The following NEIL3 variants were observed in gnomAD, a reference collection of about 807,000 sequenced individuals.
NEIL3 encodes the protein nei like DNA glycosylase 3.
A neutral mutation model predicts 57.5 loss-of-function variants in NEIL3; 48 were observed. That is an observed-to-expected ratio of 0.83 (90% CI 0.66 to 1.06). The LOEUF is 1.06. Among genes scored for constraint, NEIL3 ranks in the 50% least tolerant of loss-of-function variants. The probability of loss-of-function intolerance (pLI) is 0.00; values close to 1 mark genes in which losing one functional copy is unlikely to be tolerated. For missense variants in NEIL3, 717 were observed against 739.1 expected, an observed-to-expected ratio of 0.97 and a Z score of 0.35; for synonymous variants, 261 against 253.2, an observed-to-expected ratio of 1.03 and a Z score of -0.29.
intron 2 of NEIL3, among the ~76,000 whole-genome samples, chr4:177,327,547 A>G (rs900859750): frequency 6.6e-6 from 1 of 152,146 alleles, no homozygotes; most frequent in African/African-American, 2.4e-5. Flanking sequence ...TAAGCCTCGC[A>G]TGCATTAAGT....
chr4:177,343,254 A>C (rs1735136231), intron 6 of NEIL3: 1 of 152,208 alleles, frequency 6.6e-6, no homozygotes, highest in Admixed American at 6.5e-5. Flanking sequence ...ATCCAGGAAG[A>C]CATGTCTTAG....
chr4:177,353,764 GC>G, intron 8 of NEIL3, 36 bp downstream of exon 8: 3 of 1,462,316 alleles, frequency 2.1e-6, no homozygotes, highest in Non-Finnish European at 9.3e-7. Context: ...TAAGATAATT[GC>G]TTTTTTTTTT....
chr4:177,337,141 G>A (rs1179896237), intron 4 of NEIL3, among the ~76,000 whole-genome samples: 1 of 151,910 alleles, frequency 6.6e-6, no homozygotes, highest in Admixed American at 6.6e-5. Flanking sequence ...TGTAGAAAAG[G>A]GAATGGTGAT....
intron 4 of NEIL3, 108 bp from the exon 5 acceptor site, chr4:177,339,675 A>G: frequency 1.4e-6 from 1 of 734,136 alleles, no homozygotes; most frequent in African/African-American, 1.8e-5. Flanking sequence ...GGTCAGCTGT[A>G]TTCAAAATCT....
chr4:177,316,769 G>A (rs1734581503), intron 1 of NEIL3, among the ~76,000 whole-genome samples: 1 of 152,112 alleles, frequency 6.6e-6, no homozygotes, highest in South Asian at 2.1e-4. Context: ...TATAGACAGG[G>A]GAGAAATGCA....
chr4:177,351,771 G>A (rs1735358609), intron 7 of NEIL3, among the ~76,000 whole-genome samples: 1 of 152,122 alleles, frequency 6.6e-6, no homozygotes, highest in African/African-American at 2.4e-5. Context: ...ATAACAGTAT[G>A]TGCCTTTGTA....
chr4:177,322,736 C>G (rs1373921064), intron 2 of NEIL3, among the ~76,000 whole-genome samples, 156 bp downstream of exon 2: 2 of 152,112 alleles, frequency 1.3e-5, no homozygotes, highest in Non-Finnish European at 2.9e-5. Context: ...TCATGGAAAT[C>G]AATAAACAGC....
chr4:177,329,064 A>T (rs1157600022), intron 2 of NEIL3, among the ~76,000 whole-genome samples: 1 of 152,148 alleles, frequency 6.6e-6, no homozygotes, highest in Non-Finnish European at 1.5e-5. Flanking sequence ...ATCACAGTGT[A>T]AGATGTGTAT....
chr4:177,364,598 T>C (rs1236785607), downstream of NEIL3, among the ~76,000 whole-genome samples: 1 of 152,068 alleles, frequency 6.6e-6, no homozygotes, highest in Admixed American at 6.6e-5. Flanking sequence ...GAACCATATA[T>C]GCATGGGACA....
chr4:177,366,828 T>C (rs1410936978), downstream of NEIL3, among the ~76,000 whole-genome samples: 1 of 152,200 alleles, frequency 6.6e-6, no homozygotes, highest in African/African-American at 2.4e-5. Context: ...TCTTCCTTTT[T>C]TCCAGTCTAT....
At chr4:177,338,629 AAAT>A (rs1261300856) in intron 4 of NEIL3, among the ~76,000 whole-genome samples, 1 of 152,268 alleles carries the variant, frequency 6.6e-6, no homozygotes, top group African/African-American at 2.4e-5. Flanking sequence ...CACATGTGCC[AAAT>A]AATAATTCTG....
At chr4:177,340,980 A>G (rs1735079879) in intron 5 of NEIL3, among the ~76,000 whole-genome samples, 1 of 152,052 alleles carries the variant, frequency 6.6e-6, no homozygotes, top group African/African-American at 2.4e-5. Context: ...AAAAGGAAAA[A>G]AAAATCCTTT....
chr4:177,349,009 A>G (rs1735293235), intron 6 of NEIL3, among the ~76,000 whole-genome samples: 2 of 148,884 alleles, frequency 1.3e-5, no homozygotes, highest in African/African-American at 2.5e-5. Flanking sequence ...CTGGGACTAC[A>G]GGCACCCGTC....
rs1050777217 is a variant in NEIL3, at chr4:177,322,565, G to T, written c.263G>T (p.Gly88Val). The change falls in exon 2 of 10, where the codon GGA (glycine) becomes GTA (valine). Residue 88 changes from glycine (G) to valine (V), a missense_variant. By Grantham distance (109) the Gly-to-Val change is moderately radical. Coordinates refer to ENST00000264596, the MANE Select transcript of NEIL3 (RefSeq NM_018248.3). ...TLGKELFMYF[G>V]PKALRIHFGM... Reference sequence around the variant, plus strand: ...GGGAAGGAGCTCTTTATGTACTTTGGACCAAAAGCTTTACGGTAAGATAAG... The same window carrying T: ...GGGAAGGAGCTCTTTATGTACTTTGTACCAAAAGCTTTACGGTAAGATAAG... 1.9e-6 allele frequency: 3 copies of T among 1,613,670 alleles called. No individual in the cohort carries two copies. The highest frequency in any genetic ancestry group is 2.7e-5 in the African/African-American group (2 of 74,876).
At chr4:177,319,895 A>C (rs1287416966) in intron 1 of NEIL3, among the ~76,000 whole-genome samples, 1 of 152,184 alleles carries the variant, frequency 6.6e-6, no homozygotes, top group Admixed American at 6.5e-5. Flanking sequence ...CTAGTAAAGA[A>C]TGTTGGAAAA....
intron 2 of NEIL3, among the ~76,000 whole-genome samples, chr4:177,326,301 TTC>T (rs1734779075): frequency 6.6e-6 from 1 of 152,178 alleles, no homozygotes; most frequent in African/African-American, 2.4e-5. Context: ...AGATTATCCT[TTC>T]TCCATTGAAT....
At position 177,322,765 on chromosome 4, in the gene NEIL3, GTCA is replaced by G. The variant is rs1734712248; in HGVS notation, c.278+192_278+194del. Among the ~76,000 whole-genome samples, 5 of 152,240 alleles carry G rather than the reference GTCA, an allele frequency of 3.3e-5. No homozygotes were observed. The South Asian group carries it at 1.0e-3, about 32-fold the overall frequency. ...AAACAGCAGAAGAATAAATTCTGAT[GTCA>G]TCATCACTTGGAAGACAGTCATTTT... is the stretch of plus-strand genomic sequence containing the variant. On this transcript the variant is annotated intron_variant, in intron 2 of 9. Coordinates refer to ENST00000264596, the MANE Select transcript of NEIL3 (RefSeq NM_018248.3).
At chr4:177,347,678 GA>G (rs1051603623) in intron 6 of NEIL3, among the ~76,000 whole-genome samples, 4 of 151,760 alleles carry the variant, frequency 2.6e-5, no homozygotes, top group African/African-American at 9.7e-5. Flanking sequence ...AAGGTGGTGG[GA>G]AAAAAAGGTT....
chr4:177,329,597 A>C (rs905572257), intron 2 of NEIL3, among the ~76,000 whole-genome samples: 1 of 152,224 alleles, frequency 6.6e-6, no homozygotes, highest in Non-Finnish European at 1.5e-5. Flanking sequence ...CTAGAATGGA[A>C]AGGGCAAAGA....
Sources: allele counts gnomAD v4.1 joint callset (sites outside exome capture counted in the v4.1 genomes callset), GRCh38; gene constraint gnomAD v4.1.1; transcripts MANE v1.5; gene names NCBI Gene and HGNC (gene_info 2026-07-23, HGNC 2026-07-21).